GALNT18: variants seen among roughly 807,000 people sequenced by gnomAD.
GALNT18 encodes polypeptide N-acetylgalactosaminyltransferase 18.
A neutral mutation model predicts 69.5 loss-of-function variants in GALNT18; 44 were observed. The ratio of observed to expected loss-of-function variants is 0.63; its 90% CI spans 0.50 to 0.81. The LOEUF is 0.81. Among genes scored for constraint, GALNT18 ranks in the 40% least tolerant of loss-of-function variants. GALNT18 has a pLI of 0.00. For synonymous variants in GALNT18, 364 were observed against 318.2 expected, an observed-to-expected ratio of 1.14 and a Z score of -1.53; for missense variants, 715 against 810.0, an observed-to-expected ratio of 0.88 and a Z score of 1.42.
chr11:11,403,220 C>T (rs901558), intron 3 of GALNT18, among the ~76,000 whole-genome samples: 17,029 of 152,254 alleles, frequency 0.11, 1,132 homozygotes, highest in Middle Eastern at 0.17. Flanking sequence ...TCCAACCCTT[C>T]AGCACTGTGT....
chr11:11,608,429 G>A (rs773725081), intron 1 of GALNT18, among the ~76,000 whole-genome samples: 1 of 151,738 alleles, frequency 6.6e-6, no homozygotes, highest in Admixed American at 6.6e-5. Flanking sequence ...GTGCAATCTC[G>A]GCTCACTGCA....
chr11:11,406,427 CT>C (rs2133747878), intron 3 of GALNT18, among the ~76,000 whole-genome samples: 1 of 152,344 alleles, frequency 6.6e-6, no homozygotes, highest in East Asian at 1.9e-4. Flanking sequence ...AATATTCTGT[CT>C]CCATAGGGCT....
At chr11:11,391,326 T>C (rs992207661) in intron 3 of GALNT18, among the ~76,000 whole-genome samples, 17 of 152,262 alleles carry the variant, frequency 1.1e-4, no homozygotes, top group Non-Finnish European at 2.2e-4. Context: ...GATCACTCTA[T>C]TAGGTAAGTA....
At chr11:11,280,411 G>A (rs1326500019) in intron 10 of GALNT18, among the ~76,000 whole-genome samples, 2 of 152,052 alleles carry the variant, frequency 1.3e-5, no homozygotes, top group African/African-American at 4.8e-5. Context: ...GCACCTCCAG[G>A]GAGAAGGATC....
chr11:11,298,181 C>T (rs1465419043), intron 9 of GALNT18, among the ~76,000 whole-genome samples: 1 of 152,200 alleles, frequency 6.6e-6, no homozygotes, highest in Non-Finnish European at 1.5e-5. Flanking sequence ...CTCTAGCCCT[C>T]CAAAGAAGCC....
At position 11,591,700 on chromosome 11, in the gene GALNT18, T is replaced by G. The variant is rs567026700; in HGVS notation, c.235+29659A>C. Among the ~76,000 whole-genome samples the G allele has an allele frequency of 4.1e-4, 63 of 152,290 alleles. No homozygotes were observed. Among genetic ancestry groups the G allele is most frequent in the African/African-American group, 1.4e-3 (58 of 41,562 alleles). On this transcript the variant is annotated intron_variant, in intron 1 of 10. Coordinates refer to ENST00000227756, the MANE Select transcript of GALNT18 (RefSeq NM_198516.3). The surrounding 1 kb of genome is among the most constrained non-coding windows in gnomAD (Gnocchi z 4.8). The stretch of plus-strand genomic sequence containing the variant: ...AAGGAGGCTGAGATAGTAATAGAAG[T>G]GCATTTTCTTTAGTGCCAGATGGAA...
At chr11:11,420,410 G>A (rs955671590) in intron 3 of GALNT18, among the ~76,000 whole-genome samples, 6 of 152,150 alleles carry the variant, frequency 3.9e-5, no homozygotes, top group Non-Finnish European at 7.3e-5. Flanking sequence ...ACTCTCATCC[G>A]CATGCTCCAC....
In GALNT18 at chr11:11,563,180, C is replaced by T. The variant is rs1393310951; in HGVS notation, c.235+58179G>A. On this transcript the variant is annotated intron_variant, in intron 1 of 10. Coordinates refer to ENST00000227756, the MANE Select transcript of GALNT18 (RefSeq NM_198516.3). The surrounding 1 kb of genome is among the most constrained non-coding windows in gnomAD (Gnocchi z 4.6). Reference sequence around the variant, plus strand: ...GCTTGCAGTGGGCCCAGCTGCCTGGCGCAGTCCAAATGTGTCCTCCCCAAG... The same window carrying T: ...GCTTGCAGTGGGCCCAGCTGCCTGGTGCAGTCCAAATGTGTCCTCCCCAAG... 6.6e-6 allele frequency among the ~76,000 whole-genome samples: 1 copy of T among 152,126 alleles called. No homozygotes were observed. Among genetic ancestry groups the T allele is most frequent in the Non-Finnish European group, 1.5e-5 (1 of 68,024 alleles).
intron 1 of GALNT18, among the ~76,000 whole-genome samples, chr11:11,484,688 A>G (rs1436084515): frequency 1.3e-5 from 2 of 151,906 alleles, no homozygotes; most frequent in African/African-American, 2.4e-5. Context: ...TGGACACTAG[A>G]TGGAGCGTGC....
chr11:11,272,922 A>T (rs1848856891), intron 10 of GALNT18, among the ~76,000 whole-genome samples: 1 of 152,238 alleles, frequency 6.6e-6, no homozygotes, highest in African/African-American at 2.4e-5. Context: ...AGAGAGTGTT[A>T]AGACTTGGTT....
At chr11:11,565,999 T>C (rs1432588590) in intron 1 of GALNT18, among the ~76,000 whole-genome samples, 3 of 152,174 alleles carry the variant, frequency 2.0e-5, no homozygotes, top group Non-Finnish European at 2.9e-5. Flanking sequence ...AGCTGGGACC[T>C]TACAGGGAAT....
chr11:11,576,389 G>A (rs184602546), intron 1 of GALNT18, among the ~76,000 whole-genome samples: 1 of 152,322 alleles, frequency 6.6e-6, no homozygotes, highest in Non-Finnish European at 1.5e-5. Flanking sequence ...TTGCCCCAAA[G>A]AGATCAGCCA....
At chr11:11,431,831 A>C (rs1855270593) in intron 3 of GALNT18, among the ~76,000 whole-genome samples, 2 of 152,354 alleles carry the variant, frequency 1.3e-5, no homozygotes, top group Middle Eastern at 3.4e-3. Flanking sequence ...ATTTTGAGAA[A>C]TCATGCATTA....
In GALNT18 at chr11:11,382,216, AAACAACTGCTATC is replaced by A. The variant is rs1853938467; in HGVS notation, c.596-2965_596-2953del. 4.6e-5 allele frequency among the ~76,000 whole-genome samples: 7 copies of A among 152,214 alleles called. No individual in the cohort carries two copies. On this transcript the variant is annotated intron_variant, in intron 3 of 10. Coordinates refer to ENST00000227756, the MANE Select transcript of GALNT18 (RefSeq NM_198516.3). This position sits in a 1 kb window ranked among gnomAD's most constrained non-coding sequence, Gnocchi z 4.3. ...AGAGGGAATTCTCTTAGCCCCAACC[AAACAACTGCTATC>A]CAAAAAAGAAAATAAAGAAGAAACA...
In GALNT18 at chr11:11,542,960, G is replaced by A. The variant is rs150375026; in HGVS notation, c.235+78399C>T. 7.3e-4 allele frequency among the ~76,000 whole-genome samples: 111 copies of A among 152,342 alleles called. No homozygotes were observed. The highest frequency in any genetic ancestry group is 2.5e-3 in the African/African-American group (102 of 41,576). On this transcript the variant is annotated intron_variant, in intron 1 of 10. Transcript: ENST00000227756. The surrounding 1 kb of genome is among the most constrained non-coding windows in gnomAD (Gnocchi z 4.3). ...CATTAGTTCGTGGGTGAGGAGCAGG[G>A]TGCATGGAACCCCTGCAGCCTTTTC...
chr11:11,347,646 C>T lies in GALNT18; in HGVS notation c.1093-6642G>A, dbSNP rs938745439. 6.6e-6 allele frequency among the ~76,000 whole-genome samples: 1 copy of T among 152,132 alleles called. No individual in the cohort carries two copies. Among genetic ancestry groups the T allele is most frequent in the Non-Finnish European group, 1.5e-5 (1 of 68,032 alleles). On this transcript the variant is annotated intron_variant, in intron 6 of 10. Transcript: ENST00000227756. The surrounding 1 kb of genome is among the most constrained non-coding windows in gnomAD (Gnocchi z 4.0). ...TAATGAGCTCTTTGCTCTTGGCAAA[C>T]TGTTCCCACTGTTCTCTTAGCCCAG...
chr11:11,409,109 A>T (rs1282531820), intron 3 of GALNT18, among the ~76,000 whole-genome samples: 1 of 152,148 alleles, frequency 6.6e-6, no homozygotes, highest in African/African-American at 2.4e-5. Flanking sequence ...TGAAACCAGC[A>T]TTTCCTTCCA....
chr11:11,456,967 T>C (rs555180081), intron 1 of GALNT18, among the ~76,000 whole-genome samples: 10 of 152,216 alleles, frequency 6.6e-5, no homozygotes, highest in Middle Eastern at 3.4e-3. Flanking sequence ...GGGCAGGAAA[T>C]AGCTTGCAAA....
chr11:11,348,674 T>C (rs1192080396), intron 6 of GALNT18, among the ~76,000 whole-genome samples: 2 of 152,338 alleles, frequency 1.3e-5, no homozygotes, highest in Admixed American at 6.5e-5. Flanking sequence ...AGTTATGCCA[T>C]GGACATAGGT....
Sources: allele counts gnomAD v4.1 joint callset (sites outside exome capture counted in the v4.1 genomes callset), GRCh38; gene constraint gnomAD v4.1.1; non-coding constraint Gnocchi (gnomAD v3.1); transcripts MANE v1.5; gene names NCBI Gene and HGNC (gene_info 2026-07-23, HGNC 2026-07-21).